PDZD2: variants seen among roughly 807,000 people sequenced by gnomAD.
The protein encoded by PDZD2 is PDZ domain containing 2.
Under a neutral mutation model 220.7 loss-of-function variants are expected in PDZD2, and 90 were observed. The observed-to-expected ratio is 0.41, with a 90% confidence interval of 0.34 to 0.49. PDZD2 has a LOEUF of 0.49. Ranked by LOEUF, PDZD2 falls within the 20% of genes least tolerant of loss-of-function variation. The pLI is 0.28. For synonymous variants in PDZD2, 1,375 were observed against 1,450.5 expected (o/e 0.95, Z 1.18); for missense variants, 3,174 against 3,608.5 (o/e 0.88, Z 3.08).
At chr5:32,011,334 C>CAA (rs70957995) in intron 6 of PDZD2, among the ~76,000 whole-genome samples, 11 of 133,892 alleles carry the variant, frequency 8.2e-5, no homozygotes, top group African/African-American at 2.6e-4. Flanking sequence ...ACAAAAAATA[C>CAA]AAAAAAAAAA....
intron 21 of PDZD2, among the ~76,000 whole-genome samples, chr5:32,095,112 A>G (rs1283854798): frequency 6.6e-6 from 1 of 152,218 alleles, no homozygotes; most frequent in Non-Finnish European, 1.5e-5. Context: ...AGAAGACCAG[A>G]CTGTCCAGCC....
chr5:32,053,954 T>G, intron 10 of PDZD2, 71 bp downstream of exon 10: 1 of 866,682 alleles, frequency 1.2e-6, no homozygotes, highest in East Asian at 2.4e-5. Context: ...CTTCACAAGA[T>G]GTGAGTGAAT....
chr5:32,000,105 A>C lies in PDZD2; in HGVS notation c.1122-34A>C. The stretch of plus-strand genomic sequence containing the variant: ...CCCTTCTCAGGCCCAGAATGTCTTG[A>C]CAAGGGATCTTTTTCCCATCTCCCT... On this transcript the variant is annotated intron_variant, in intron 4 of 24. Coordinates refer to ENST00000438447, the MANE Select transcript of PDZD2 (RefSeq NM_178140.4). The surrounding 1 kb of genome is among the most constrained non-coding windows in gnomAD (Gnocchi z 4.5). 1.2e-6 allele frequency: 2 copies of C among 1,610,296 alleles called. No individual in the cohort carries two copies. Among genetic ancestry groups the C allele is most frequent in the South Asian group, 1.1e-5 (1 of 90,680 alleles).
intron 6 of PDZD2, among the ~76,000 whole-genome samples, chr5:32,016,704 C>G (rs377017125): frequency 1.3e-5 from 2 of 152,288 alleles, no homozygotes; most frequent in African/African-American, 2.4e-5. Flanking sequence ...CACTCTGCCC[C>G]TGGGTCAAGA....
intron 13 of PDZD2, among the ~76,000 whole-genome samples, chr5:32,060,319 A>G (rs1331978310): frequency 6.6e-6 from 1 of 152,164 alleles, no homozygotes; most frequent in Non-Finnish European, 1.5e-5. Flanking sequence ...CCAAATGAAC[A>G]TTCTTCAAAT....
intron 2 of PDZD2, among the ~76,000 whole-genome samples, chr5:31,908,171 A>G (rs572977785): frequency 6.7e-6 from 1 of 149,892 alleles, no homozygotes; most frequent in Non-Finnish European, 1.5e-5. Flanking sequence ...TGGAGATTTT[A>G]TGTATATTTA....
chr5:31,828,897 G>A (rs1756388383), intron 2 of PDZD2, among the ~76,000 whole-genome samples: 1 of 152,182 alleles, frequency 6.6e-6, no homozygotes, highest in Middle Eastern at 3.2e-3. Flanking sequence ...TATATGATTT[G>A]CAGATATTTT....
chr5:31,708,031 A>G (rs1747908527), intron 1 of PDZD2, among the ~76,000 whole-genome samples: 2 of 152,212 alleles, frequency 1.3e-5, no homozygotes, highest in Non-Finnish European at 2.9e-5. Flanking sequence ...TGATAGTAAC[A>G]GCAGCTCCCG....
chr5:32,059,691 A>G (rs6890094), intron 13 of PDZD2, among the ~76,000 whole-genome samples: 23,530 of 152,204 alleles, frequency 0.15, 3,340 homozygotes, highest in African/African-American at 0.38. Context: ...ATTCACATAT[A>G]TAAAATTCAT....
chr5:31,954,287 G>A (rs1427864310), intron 2 of PDZD2, among the ~76,000 whole-genome samples: 1 of 152,164 alleles, frequency 6.6e-6, no homozygotes, highest in East Asian at 1.9e-4. Context: ...TCTTGCCGTA[G>A]TACATAAACC....
intron 2 of PDZD2, chr5:31,823,161 A>G: frequency 4.5e-6 from 1 of 221,050 alleles, no homozygotes; most frequent in South Asian, 3.0e-5. Context: ...TGGCAAAAAA[A>G]AAAAAAAAAA....
At chr5:32,075,767 T>A (rs987072150) in intron 18 of PDZD2, among the ~76,000 whole-genome samples, 4 of 152,234 alleles carry the variant, frequency 2.6e-5, no homozygotes, top group Non-Finnish European at 5.9e-5. Context: ...AAAGCCATAT[T>A]ATTATAGATG....
At chr5:32,100,150 C>T (rs1459690339) in intron 23 of PDZD2, 1 of 152,472 alleles carries the variant, frequency 6.6e-6, no homozygotes, top group Non-Finnish European at 1.5e-5. Flanking sequence ...AAATCATGCT[C>T]CCCCCAGTGT....
At chr5:31,962,413 T>C (rs2111707485) in intron 2 of PDZD2, among the ~76,000 whole-genome samples, 1 of 152,186 alleles carries the variant, frequency 6.6e-6, no homozygotes, top group Admixed American at 6.5e-5. Context: ...CACCTGACAC[T>C]CTCAGCAGGC....
intron 19 of PDZD2, among the ~76,000 whole-genome samples, chr5:32,080,919 C>T (rs116722747): frequency 0.066 from 10,074 of 151,716 alleles, 542 homozygotes; most frequent in African/African-American, 0.15. Context: ...GAGCCTGTTG[C>T]GGATGGGGTG....
intron 2 of PDZD2, among the ~76,000 whole-genome samples, chr5:31,899,827 T>C (rs922668319): frequency 1.3e-5 from 2 of 152,178 alleles, no homozygotes; most frequent in Non-Finnish European, 2.9e-5. Context: ...CCTTCTACCA[T>C]GTAAGGACGC....
intron 19 of PDZD2, among the ~76,000 whole-genome samples, chr5:32,080,677 A>G (rs1206521471): frequency 6.6e-6 from 1 of 152,102 alleles, no homozygotes; most frequent in East Asian, 1.9e-4. Flanking sequence ...TTTTGTCAAT[A>G]CTGAGGTTTT....
At chr5:32,072,347 C>T (rs749745746) in intron 17 of PDZD2, 30 bp downstream of exon 17, 3 of 1,565,958 alleles carry the variant, frequency 1.9e-6, no homozygotes, top group Non-Finnish European at 2.6e-6. Flanking sequence ...AGGGCCTGGG[C>T]TCTGCATTCC....
At chr5:31,726,537 A>T (rs1432111995) in intron 1 of PDZD2, among the ~76,000 whole-genome samples, 1 of 152,220 alleles carries the variant, frequency 6.6e-6, no homozygotes, top group Non-Finnish European at 1.5e-5. Flanking sequence ...CTCCAAAAAA[A>T]AGTATATTAC....
Sources: gnomAD v4.1 joint callset for allele counts (sites outside exome capture counted in the v4.1 genomes callset) on GRCh38, gnomAD v4.1.1 for gene constraint, Gnocchi (gnomAD v3.1) non-coding constraint, MANE v1.5 for transcripts, NCBI Gene and HGNC (gene_info 2026-07-23, HGNC 2026-07-21) for gene names.